The following BAIAP2L2 variants were observed in gnomAD, a reference collection of about 807,000 sequenced individuals.
BAIAP2L2 encodes BAR/IMD domain-containing adapter protein 2-like 2.
Under a neutral mutation model 60.4 loss-of-function variants are expected in BAIAP2L2, and 65 were observed. The observed-to-expected ratio is 1.08, with a 90% CI of 0.88 to 1.32. BAIAP2L2 has a LOEUF of 1.32. Among genes scored for constraint, BAIAP2L2 ranks in the 40% most tolerant of loss-of-function variants. The pLI is 0.00. For missense variants in BAIAP2L2, 836 were observed against 741.2 expected (o/e 1.13, Z -1.48); for synonymous variants, 344 against 301.7 (o/e 1.14, Z -1.45).
rs183438457 is a variant in BAIAP2L2, at chr22:38,094,377, G to C, written c.612+2655C>G. ...ACTTTTGTATTTTTAGTAGAGACGG[G>C]TTTTCACCATGTTGGCCAGGGTGGC... On this transcript the variant is annotated intron_variant, in intron 7 of 13. Transcript: ENST00000381669. Among the ~76,000 whole-genome samples, 497 of 152,220 alleles carry C rather than the reference G, an allele frequency of 3.3e-3. 3 individuals are homozygous for C. The highest frequency in any genetic ancestry group is 0.017 in the Middle Eastern group (5 of 294).
At position 38,098,865 on chromosome 22, in the gene BAIAP2L2, G is replaced by A. The variant is rs369289694; in HGVS notation, c.277-383C>T. Among the ~76,000 whole-genome samples, 71 of 152,168 alleles carry A rather than the reference G, an allele frequency of 4.7e-4. No homozygotes were observed. The South Asian group carries it at 0.011, about 23-fold the overall frequency. ...CCCAAGCAGAATCCATTGCTCCCTC[G>A]TTTTGTCTCTGGAATGGGTGCACAT... On this transcript the variant is annotated intron_variant, in intron 4 of 13. Coordinates refer to ENST00000381669, the MANE Select transcript of BAIAP2L2 (RefSeq NM_025045.6).
intron 7 of BAIAP2L2, among the ~76,000 whole-genome samples, chr22:38,094,286 A>G (rs1257351028): frequency 1.3e-5 from 2 of 152,100 alleles, no homozygotes; most frequent in East Asian, 1.9e-4. Context: ...CCTGGGTTCA[A>G]GCAGTTCTCC....
intron 7 of BAIAP2L2, among the ~76,000 whole-genome samples, chr22:38,095,888 ACT>A (rs751160789): frequency 2.0e-5 from 3 of 152,260 alleles, no homozygotes; most frequent in East Asian, 1.9e-4. Context: ...TAGTATAATA[ACT>A]CAACCAAACT....
At position 38,098,104 on chromosome 22, in the gene BAIAP2L2, G is replaced by T; in HGVS notation, c.424C>A (p.Arg142Ser). ...NLEKCMSELW[R>S]MERKRDKNVR... The stretch of plus-strand genomic sequence containing the variant: ...TTCTTGTCTCTCTTGCGCTCCATGC[G>T]CCACAGCTCAGACATGCACTTCTCC... Residue 142 changes from arginine to serine, a missense_variant, in exon 6 of 14, where the codon CGC (arginine) becomes AGC (serine). Coordinates refer to ENST00000381669, the MANE Select transcript of BAIAP2L2 (RefSeq NM_025045.6). 1 of 1,602,972 alleles carries T rather than the reference G, an allele frequency of 6.2e-7. No homozygotes were observed. The highest frequency in any genetic ancestry group is 2.3e-5 in the East Asian group (1 of 44,084).
rs1313458769 is a variant in BAIAP2L2, at chr22:38,097,048, A to AG, written c.595dup (p.Leu199ProfsTer23). 6.2e-7 allele frequency: 1 copy of AG among 1,613,440 alleles called. No individual in the cohort carries two copies. The highest frequency in any genetic ancestry group is 1.7e-5 in the Admixed American group (1 of 59,930). ...CCAACTCACCCGGCCGAAGAACTGC[A>AG]GGAAGGTGTTGGAAAGTAGCAGGTG... On this transcript the variant is annotated frameshift_variant, in exon 7 of 14. Coordinates refer to ENST00000381669, the MANE Select transcript of BAIAP2L2 (RefSeq NM_025045.6). LOFTEE classifies it high-confidence loss of function.
chr22:38,108,441 G>T, intron 2 of BAIAP2L2, 100 bp from the exon 3 acceptor site: 1 of 937,648 alleles, frequency 1.1e-6, no homozygotes, highest in South Asian at 1.6e-5. Flanking sequence ...CCTGGGTGGG[G>T]TGTGGGCATC....
intron 11 of BAIAP2L2, 31 bp from the exon 12 acceptor site, chr22:38,086,480 G>T: frequency 6.8e-7 from 1 of 1,463,224 alleles, no homozygotes; most frequent in African/African-American, 1.4e-5. Context: ...GGGAAGGAAA[G>T]GGGTTGGGGC....
At chr22:38,101,120 CT>C (rs768817340) in intron 4 of BAIAP2L2, among the ~76,000 whole-genome samples, 1 of 151,976 alleles carries the variant, frequency 6.6e-6, no homozygotes, top group Non-Finnish European at 1.5e-5. Flanking sequence ...TGTATGTAAA[CT>C]TTACCTCAGT....
chr22:38,102,761 C>T (rs947351273), intron 4 of BAIAP2L2, among the ~76,000 whole-genome samples: 6 of 151,710 alleles, frequency 4.0e-5, no homozygotes, highest in East Asian at 1.9e-4. Flanking sequence ...CAGGCACGGC[C>T]GGGTGCGGTG....
chr22:38,110,937 G>A (rs1021532527), upstream of BAIAP2L2, among the ~76,000 whole-genome samples: 1 of 152,154 alleles, frequency 6.6e-6, no homozygotes, highest in Non-Finnish European at 1.5e-5. Context: ...CTTACTGGGC[G>A]GGCGCTGCCC....
intron 13 of BAIAP2L2, 101 bp from the exon 14 acceptor site, chr22:38,085,476 G>GC (rs1458494467): frequency 3.4e-5 from 46 of 1,371,618 alleles, no homozygotes; most frequent in Non-Finnish European, 4.5e-5. Context: ...CCTGCCTCCT[G>GC]CCCCTATTTG....
chr22:38,098,018 C>T, intron 6 of BAIAP2L2, 45 bp downstream of exon 6: 3 of 694,894 alleles, frequency 4.3e-6, no homozygotes, highest in Non-Finnish European at 5.0e-6. Context: ...CCGAGGTCTG[C>T]CCACCCGCCC....
At position 38,085,233 on chromosome 22, in the gene BAIAP2L2, G is replaced by T; in HGVS notation, c.*67C>A. ...TGGATCTGCTGCTGTTGCTGCTGTC[G>T]CTGCCATTGCCAGCTCTGAACAGCC... On this transcript the variant is annotated 3_prime_UTR_variant, in exon 14 of 14. Coordinates refer to ENST00000381669, the MANE Select transcript of BAIAP2L2 (RefSeq NM_025045.6). The T allele has an allele frequency of 5.3e-6, 8 of 1,520,120 alleles. No homozygotes were observed. Among genetic ancestry groups the T allele is most frequent in the Non-Finnish European group, 6.4e-6 (7 of 1,101,650 alleles). 94.2% of individuals were successfully genotyped at this position (1,520,120 alleles called of 1,614,324 possible).
chr22:38,087,308 C>T, intron 10 of BAIAP2L2, 44 bp from the exon 11 acceptor site: 1 of 1,569,214 alleles, frequency 6.4e-7, no homozygotes. Flanking sequence ...GAAGCCAGGC[C>T]TGGGGACAAT....
intron 2 of BAIAP2L2, 134 bp downstream of exon 2, chr22:38,108,999 G>A (rs2086729380): frequency 2.6e-6 from 2 of 779,228 alleles, no homozygotes; most frequent in African/African-American, 1.7e-5. Flanking sequence ...AGGTGTGAGG[G>A]TGAGGGTGGT....
Position 38,087,444 on chromosome 22 carries a change from C to T in BAIAP2L2, c.1119-180G>A, listed in dbSNP as rs138020749. 8.1e-3 allele frequency among the ~76,000 whole-genome samples: 1,235 copies of T among 152,270 alleles called. 16 individuals carry two copies. Among genetic ancestry groups the T allele is most frequent in the Non-Finnish European group, 0.012 (832 of 68,020 alleles). On this transcript the variant is annotated intron_variant, in intron 10 of 13. Transcript: ENST00000381669. Reference sequence around the variant, plus strand: ...GCAAGTGCCTACTGATAATAACACACGCTATCCTTTTCCCTAACAGGCTAT... The same window carrying T: ...GCAAGTGCCTACTGATAATAACACATGCTATCCTTTTCCCTAACAGGCTAT...
intron 3 of BAIAP2L2, 133 bp from the exon 4 acceptor site, chr22:38,108,046 A>G: frequency 9.4e-7 from 1 of 1,067,756 alleles, no homozygotes; most frequent in East Asian, 2.7e-5. Flanking sequence ...GGAACTTCCC[A>G]TATGGTTCTC....
chr22:38,086,206 G>A (rs781504565), intron 12 of BAIAP2L2, 36 bp downstream of exon 12: 64 of 1,590,910 alleles, frequency 4.0e-5, no homozygotes, highest in Admixed American at 1.0e-4. Context: ...CTCCCTGCCC[G>A]CTGGAGGCCC....
At chr22:38,085,797 C>T in intron 12 of BAIAP2L2, 65 bp from the exon 13 acceptor site, 1 of 1,421,446 alleles carries the variant, frequency 7.0e-7, no homozygotes, top group Middle Eastern at 2.0e-4. Context: ...TTGCTCCTCC[C>T]CTCCCTCTCC....
Sources: allele counts gnomAD v4.1 joint callset (sites outside exome capture counted in the v4.1 genomes callset), GRCh38; gene constraint gnomAD v4.1.1; transcripts MANE v1.5; gene names NCBI Gene and HGNC (gene_info 2026-07-23, HGNC 2026-07-21).